Variants in PEX14 observed in about 807,000 individuals in gnomAD.
PEX14 encodes peroxisomal membrane protein PEX14.
In PEX14, 15 loss-of-function variants were observed where a neutral mutation model predicts 49.5. The observed-to-expected ratio is 0.30, with a 90% CI of 0.20 to 0.47. The LOEUF (loss-of-function observed/expected upper bound fraction) is 0.47, where lower values mean the gene tolerates loss of function less well. Ranked by LOEUF, PEX14 falls within the 20% of genes least tolerant of loss-of-function variation. The probability of loss-of-function intolerance (pLI) is 1.00; values close to 1 mark genes in which losing one functional copy is unlikely to be tolerated. For missense variants in PEX14, 398 were observed against 494.8 expected (o/e 0.80, Z 1.86); for synonymous variants, 210 against 212.7 (o/e 0.99, Z 0.11).
rs139520179 is a variant in PEX14 at position 10,506,528 on chromosome 1, C to T, written c.84+11207C>T. 1.3e-4 allele frequency among the ~76,000 whole-genome samples: 20 copies of T among 152,358 alleles called. 1 individual carries two copies. Among genetic ancestry groups the T allele is most frequent in the African/African-American group, 4.3e-4 (18 of 41,584 alleles). Reference sequence around the variant, plus strand: ...GCGACCTCAGGTGATCCGCCCGCCTCGGCCTCCCAAAGTTCTGGGATTACA... The same window carrying T: ...GCGACCTCAGGTGATCCGCCCGCCTTGGCCTCCCAAAGTTCTGGGATTACA... On this transcript the variant is annotated intron_variant, in intron 2 of 8. Transcript: ENST00000356607.
Position 10,623,239 on chromosome 1 carries a change from G to A in PEX14, c.487+118G>A. 2 of 727,274 alleles carry A rather than the reference G, an allele frequency of 2.7e-6. No individual in the cohort carries two copies. The highest frequency in any genetic ancestry group is 3.0e-5 in the South Asian group (2 of 67,230). The allele number at this position is 727,274 out of a possible 1,614,324, so 45.1% of individuals were successfully genotyped here. On this transcript the variant is annotated intron_variant, in intron 6 of 8. Coordinates refer to ENST00000356607, the MANE Select transcript of PEX14 (RefSeq NM_004565.3). The surrounding 1 kb of genome is among the most constrained non-coding windows in gnomAD (Gnocchi z 4.4). The stretch of plus-strand genomic sequence containing the variant: ...TGTGGTGACTTCATTTATCTGCTCT[G>A]AGAATCTGTTCACATTTGCAAATGA...
chr1:10,591,176 A>G (rs1317510023), intron 3 of PEX14, among the ~76,000 whole-genome samples: 1 of 152,214 alleles, frequency 6.6e-6, no homozygotes, highest in African/African-American at 2.4e-5. Flanking sequence ...TGAAGCAAAT[A>G]TTTAGAGCTG....
chr1:10,514,967 C>G lies in PEX14; in HGVS notation c.84+19646C>G, dbSNP rs927431636. On this transcript the variant is annotated intron_variant, in intron 2 of 8. Transcript: ENST00000356607. This position sits in a 1 kb window ranked among gnomAD's most constrained non-coding sequence, Gnocchi z 4.4. ...AAAGGAGGGAGAAAATCTCCTTGGG[C>G]AAATGCTTGCCACTCCCCTGCCGCC... 1.3e-5 allele frequency among the ~76,000 whole-genome samples: 2 copies of G among 152,128 alleles called. No homozygotes were observed. Among genetic ancestry groups the G allele is most frequent in the African/African-American group, 4.8e-5 (2 of 41,426 alleles).
At chr1:10,483,806 T>G (rs1374769643) in intron 1 of PEX14, among the ~76,000 whole-genome samples, 1 of 151,668 alleles carries the variant, frequency 6.6e-6, no homozygotes, top group Admixed American at 6.6e-5. Flanking sequence ...GATCAACAGT[T>G]TCAGTATCCC....
chr1:10,561,970 G>A (rs917303788), intron 3 of PEX14, among the ~76,000 whole-genome samples: 1 of 151,860 alleles, frequency 6.6e-6, no homozygotes, highest in Non-Finnish European at 1.5e-5. Flanking sequence ...TCTCACTCTG[G>A]CTATCTTCCT....
intron 3 of PEX14, among the ~76,000 whole-genome samples, chr1:10,553,663 G>C (rs1639398485): frequency 2.0e-5 from 3 of 152,162 alleles, no homozygotes; most frequent in Non-Finnish European, 4.4e-5. Context: ...AGAAGAGAAG[G>C]TCCCACTGAT....
intron 2 of PEX14, among the ~76,000 whole-genome samples, chr1:10,507,170 T>G (rs1338552394): frequency 6.6e-6 from 1 of 152,272 alleles, no homozygotes; most frequent in East Asian, 1.9e-4. Flanking sequence ...GTGAGGAGAC[T>G]GAGCCCAGAG....
At chr1:10,601,262 C>CAAAAAAAAA (rs58910333) in intron 4 of PEX14, among the ~76,000 whole-genome samples, 1 of 57,030 alleles carries the variant, frequency 1.8e-5, no homozygotes, top group African/African-American at 6.0e-5. Flanking sequence ...GACTCTGTCT[C>CAAAAAAAAA]AAAAAAAAAA....
At chr1:10,493,872 C>T (rs1009528114) in intron 1 of PEX14, among the ~76,000 whole-genome samples, 1 of 152,200 alleles carries the variant, frequency 6.6e-6, no homozygotes, top group Non-Finnish European at 1.5e-5. Context: ...TGGAAGAAGA[C>T]ATATGTGTCA....
chr1:10,490,700 C>CTTTTT (rs34914348), intron 1 of PEX14, among the ~76,000 whole-genome samples: 1 of 132,600 alleles, frequency 7.5e-6, no homozygotes, highest in African/African-American at 2.8e-5. Flanking sequence ...GTTTCTAAGC[C>CTTTTT]TTTTTTTTTT....
In PEX14 at chr1:10,630,412, G is replaced by A. The variant is rs565060273; in HGVS notation, c.*425G>A. On this transcript the variant is annotated 3_prime_UTR_variant, in exon 9 of 9. Coordinates refer to ENST00000356607, the MANE Select transcript of PEX14 (RefSeq NM_004565.3). The surrounding 1 kb of genome is among the most constrained non-coding windows in gnomAD (Gnocchi z 4.1). ...GACTCCTCAGTGGAGGAGGAGCTGC[G>A]GTCCCTCTGGTGTCTGCCATCCCCC... 8 of 200,918 alleles carry A rather than the reference G, an allele frequency of 4.0e-5. No individual in the cohort carries two copies. Among genetic ancestry groups the A allele is most frequent in the African/African-American group, 1.4e-4 (6 of 42,924 alleles). The allele number at this position is 200,918 out of a possible 1,614,324, so 12.4% of individuals were successfully genotyped here.
At chr1:10,513,324 A>C (rs759138184) in intron 2 of PEX14, among the ~76,000 whole-genome samples, 1 of 152,172 alleles carries the variant, frequency 6.6e-6, no homozygotes, top group Non-Finnish European at 1.5e-5. Flanking sequence ...GGCTGTTCAC[A>C]TAATACTCTA....
At chr1:10,535,495 G>A (rs1638772899) in intron 2 of PEX14, among the ~76,000 whole-genome samples, 1 of 152,218 alleles carries the variant, frequency 6.6e-6, no homozygotes, top group Admixed American at 6.5e-5. Flanking sequence ...AGAGTGAATG[G>A]CAGTGGGTGT....
intron 3 of PEX14, among the ~76,000 whole-genome samples, chr1:10,565,908 G>A (rs1268667044): frequency 6.6e-6 from 1 of 152,238 alleles, no homozygotes; most frequent in Non-Finnish European, 1.5e-5. Context: ...GGGAGGCTGA[G>A]GTGGGAAGAT....
At chr1:10,561,993 C>G in intron 3 of PEX14, among the ~76,000 whole-genome samples, 1 of 152,198 alleles carries the variant, frequency 6.6e-6, no homozygotes, top group East Asian at 1.9e-4. Flanking sequence ...CTCAGCCTCC[C>G]GAATAGCTAG....
At chr1:10,501,654 C>T (rs1641682669) in intron 2 of PEX14, among the ~76,000 whole-genome samples, 2 of 152,060 alleles carry the variant, frequency 1.3e-5, no homozygotes, top group South Asian at 4.1e-4. Context: ...GTGGCTCACG[C>T]CTGTAATCCT....
intron 3 of PEX14, among the ~76,000 whole-genome samples, chr1:10,564,184 T>TTA (rs1235338915): frequency 0.011 from 2 of 180 alleles, no homozygotes; most frequent in Non-Finnish European, 0.062. Context: ...TTATTCTCTC[T>TTA]TAATATTGTT....
intron 2 of PEX14, among the ~76,000 whole-genome samples, chr1:10,518,660 G>C (rs1251929521): frequency 6.6e-6 from 1 of 152,152 alleles, no homozygotes; most frequent in African/African-American, 2.4e-5. Context: ...ATTTAGCAGA[G>C]TGGTTTTGTG....
chr1:10,489,791 G>C (rs1188526), intron 1 of PEX14, among the ~76,000 whole-genome samples: 115,371 of 152,192 alleles, frequency 0.76, 44,299 homozygotes, highest in African/African-American at 0.89. Context: ...GGGGATCCCC[G>C]TCTCTCTCCA....
Sources: allele counts gnomAD v4.1 joint callset (sites outside exome capture counted in the v4.1 genomes callset), GRCh38; gene constraint gnomAD v4.1.1; non-coding constraint Gnocchi (gnomAD v3.1); transcripts MANE v1.5; gene names NCBI Gene and HGNC (gene_info 2026-07-23, HGNC 2026-07-21).